The following NIPBL variants were observed in gnomAD, a reference collection of about 807,000 sequenced individuals.
The protein encoded by NIPBL is nipped-B-like protein.
NIPBL carries 19 observed loss-of-function variants against 321.8 expected under a neutral mutation model. That is an observed-to-expected ratio of 0.06 (90% CI 0.04 to 0.09). NIPBL has a LOEUF of 0.09. Ranked by LOEUF, NIPBL falls within the 10% of genes least tolerant of loss-of-function variation. NIPBL has a pLI of 1.00. For synonymous variants in NIPBL, 1,106 were observed against 1,114.1 expected, an observed-to-expected ratio of 0.99 and a Z score of 0.14; for missense variants, 2,210 against 3,327.0, an observed-to-expected ratio of 0.66 and a Z score of 8.26.
chr5:36,900,116 A>G (rs1298307744), intron 1 of NIPBL, among the ~76,000 whole-genome samples: 1 of 152,132 alleles, frequency 6.6e-6, no homozygotes, highest in East Asian at 1.9e-4. Flanking sequence ...TCTTCACTAC[A>G]GTTCTTGAGG....
chr5:36,913,046 A>G (rs183324742), intron 1 of NIPBL, among the ~76,000 whole-genome samples: 45 of 152,240 alleles, frequency 3.0e-4, no homozygotes, highest in African/African-American at 8.7e-4. Context: ...GAATTGTTCA[A>G]CGTTAAAGGA....
Position 37,010,163 on chromosome 5 carries a change from T to C in NIPBL, c.4498T>C (p.Cys1500Arg). 1.2e-6 allele frequency: 2 copies of C among 1,610,704 alleles called. No homozygotes were observed. Residue 1500 changes from cysteine (C) to arginine (R), a missense_variant, in exon 21 of 47, where the codon TGT becomes CGT. By Grantham distance (180) the Cys-to-Arg change is radical. This residue lies in a region of NIPBL where 381 missense variants were observed against 642.3 expected (regional missense o/e 0.59). Transcript: ENST00000282516. ...VTALVLQLIQ[C>R]VVHLPSSEKD... ...AGCACTGGTTTTACAACTTATTCAG[T>C]GTGTGGTACACTTACCATCATCAGA...
At chr5:36,948,222 T>C (rs2149590591) in intron 1 of NIPBL, among the ~76,000 whole-genome samples, 1 of 152,054 alleles carries the variant, frequency 6.6e-6, no homozygotes, top group South Asian at 2.1e-4. Flanking sequence ...ATACATAGTG[T>C]CTGACACAGT....
Position 36,985,782 on chromosome 5 carries a change from C to A in NIPBL, c.2602C>A (p.Arg868=), listed in dbSNP as rs398124466. The A allele has an allele frequency of 2.5e-6, 4 of 1,613,770 alleles. No homozygotes were observed. In the Admixed American group the frequency reaches 6.7e-5, roughly 27 times the overall value. ...SDSSKTDKLE[R]KHRHESGDSR... is the part of the protein sequence containing the mutation. ...TAGTTCAAAAACTGATAAACTAGAA[C>A]GAAAACACAGGCATGAATCAGGGGA... The change falls in exon 10 of 47, where the codon CGA becomes AGA. Residue 868 remains arginine, a synonymous_variant. Coordinates refer to ENST00000282516, the MANE Select transcript of NIPBL (RefSeq NM_133433.4).
intron 1 of NIPBL, among the ~76,000 whole-genome samples, chr5:36,913,986 A>G (rs948396359): frequency 2.0e-5 from 3 of 152,232 alleles, no homozygotes; most frequent in African/African-American, 4.8e-5. Context: ...ACAGTTTGTC[A>G]GGAAATAGAT....
intron 29 of NIPBL, among the ~76,000 whole-genome samples, chr5:37,023,526 T>A (rs1749894219): frequency 6.6e-6 from 1 of 152,174 alleles, no homozygotes; most frequent in African/African-American, 2.4e-5. Flanking sequence ...TCTTTTCTTG[T>A]GAACACTTCA....
rs773668251 is a variant in NIPBL, at chr5:37,026,320, C to T, written c.5801C>T (p.Thr1934Ile). The T allele has an allele frequency of 1.3e-6, 2 of 1,595,914 alleles. No homozygotes were observed. The highest frequency in any genetic ancestry group is 8.6e-7 in the Non-Finnish European group (1 of 1,164,220). ...ATGACAAGGAAAATTTTAAACATTA[C>T]CGATGTGGTAAGAAGGACTGGAACA... ...EAMTRKILNI[T>I]DVVAACRDTG... is the part of the protein sequence containing the mutation. Residue 1934 changes from threonine to isoleucine, a missense_variant, in exon 31 of 47, where the codon ACC (threonine) becomes ATC (isoleucine). By Grantham distance (89) the Thr-to-Ile change is moderately conservative. Transcript: ENST00000282516.
At chr5:36,981,278 C>T (rs1178251822) in intron 9 of NIPBL, among the ~76,000 whole-genome samples, 1 of 151,528 alleles carries the variant, frequency 6.6e-6, no homozygotes, top group Non-Finnish European at 1.5e-5. Context: ...AACACTGTAC[C>T]TTATAAGTAA....
chr5:37,041,053 T>C (rs1752285278), intron 34 of NIPBL, among the ~76,000 whole-genome samples: 1 of 151,790 alleles, frequency 6.6e-6, no homozygotes, highest in African/African-American at 2.4e-5. Context: ...GAGCTCTTTA[T>C]TTTAGATATT....
At chr5:36,912,363 A>G (rs1748112028) in intron 1 of NIPBL, among the ~76,000 whole-genome samples, 1 of 152,146 alleles carries the variant, frequency 6.6e-6, no homozygotes, top group African/African-American at 2.4e-5. Flanking sequence ...ATTGTCTGTA[A>G]GAGAGCCAGT....
chr5:37,033,730 A>ATT (rs58081432), intron 32 of NIPBL, among the ~76,000 whole-genome samples: 1,569 of 21,474 alleles, frequency 0.073, 139 homozygotes, highest in East Asian at 0.17. Flanking sequence ...ATATATATAT[A>ATT]TTTTTTTTTT....
chr5:37,042,399 C>A (rs1422116177), intron 34 of NIPBL, among the ~76,000 whole-genome samples: 2 of 151,998 alleles, frequency 1.3e-5, no homozygotes, highest in Non-Finnish European at 2.9e-5. Flanking sequence ...TGTGCTACTG[C>A]ACTTCCGCCT....
intron 25 of NIPBL, 39 bp from the exon 26 acceptor site, chr5:37,020,420 T>G: frequency 7.3e-7 from 1 of 1,368,770 alleles, no homozygotes; most frequent in East Asian, 2.3e-5. Flanking sequence ...ATCTTGTTGC[T>G]AATTTCATCA....
chr5:36,946,578 G>GTGTGTGTGTATA (rs34031984), intron 1 of NIPBL, among the ~76,000 whole-genome samples: 78,530 of 151,046 alleles, frequency 0.52, 21,255 homozygotes, highest in African/African-American at 0.67. Context: ...ATGTGTCTGT[G>GTGTGTGTGTATA]TGTGTGTATA....
intron 10 of NIPBL, among the ~76,000 whole-genome samples, chr5:36,991,684 G>C (rs1259981065): frequency 1.3e-5 from 2 of 149,716 alleles, no homozygotes; most frequent in African/African-American, 4.9e-5. Context: ...TGGTGCTTCT[G>C]TGTTATATGG....
chr5:37,019,327 A>G lies in NIPBL; in HGVS notation c.4937A>G (p.Asp1646Gly), dbSNP rs1749360999. The G allele has an allele frequency of 6.2e-7, 1 of 1,611,668 alleles. No homozygotes were observed. The highest frequency in any genetic ancestry group is 1.7e-5 in the Admixed American group (1 of 60,000). ...RILKQVSGGEDEIQQLQKALL... is the reference protein window; with the variant it reads ...RILKQVSGGEGEIQQLQKALL... ...ATTCTATAGGTTTCAGGAGGGGAAG[A>G]TGAAATCCAACAATTACAAAAAGCA... Residue 1646 changes from aspartate (D) to glycine (G), a missense_variant, in exon 25 of 47, where the codon GAT becomes GGT. Asp to Gly is a moderately conservative substitution (Grantham distance 94). This residue lies in a region of NIPBL where 138 missense variants were observed against 175.8 expected (regional missense o/e 0.79). Transcript: ENST00000282516.
intron 1 of NIPBL, among the ~76,000 whole-genome samples, chr5:36,895,781 C>A (rs1469246668): frequency 6.6e-6 from 1 of 152,140 alleles, no homozygotes; most frequent in African/African-American, 2.4e-5. Flanking sequence ...TCATCCAAAT[C>A]TTTTGCCCAT....
At chr5:36,942,111 T>C (rs1047074266) in intron 1 of NIPBL, among the ~76,000 whole-genome samples, 4 of 151,976 alleles carry the variant, frequency 2.6e-5, no homozygotes, top group Non-Finnish European at 5.9e-5. Flanking sequence ...AAGCTGTTTT[T>C]TATTGGTCTA....
intron 18 of NIPBL, among the ~76,000 whole-genome samples, chr5:37,007,682 A>T (rs910533642): frequency 6.6e-6 from 1 of 152,020 alleles, no homozygotes; most frequent in Admixed American, 6.5e-5. Flanking sequence ...GTAAATTCCA[A>T]ACTCTAAATT....
Sources: gnomAD v4.1 joint callset for allele counts (sites outside exome capture counted in the v4.1 genomes callset) on GRCh38, gnomAD v4.1.1 for gene constraint, gnomAD v4.1.1 regional missense constraint, MANE v1.5 for transcripts, NCBI Gene and HGNC (gene_info 2026-07-23, HGNC 2026-07-21) for gene names.